IQCH: variants seen among roughly 807,000 people sequenced by gnomAD.
The protein encoded by IQCH is IQ motif containing H.
A neutral mutation model predicts 117.0 loss-of-function variants in IQCH; 98 were observed. That is an observed-to-expected ratio of 0.84 (90% CI 0.71 to 0.99). The LOEUF is 0.99. Among genes scored for constraint, IQCH ranks in the 50% least tolerant of loss-of-function variants. IQCH has a pLI of 0.00. For synonymous variants in IQCH, 412 were observed against 448.2 expected, an observed-to-expected ratio of 0.92 and a Z score of 1.02; for missense variants, 1,102 against 1,243.8, an observed-to-expected ratio of 0.89 and a Z score of 1.72.
At chr15:67,337,555 G>A (rs986377775) in intron 5 of IQCH, among the ~76,000 whole-genome samples, 2 of 152,108 alleles carry the variant, frequency 1.3e-5, no homozygotes, top group African/African-American at 4.8e-5. Flanking sequence ...GAAACCAGTG[G>A]ATTTTGTTTT....
At chr15:67,256,275 C>T (rs1965192721) in intron 1 of IQCH, among the ~76,000 whole-genome samples, 1 of 152,166 alleles carries the variant, frequency 6.6e-6, no homozygotes, top group Non-Finnish European at 1.5e-5. Context: ...TGCATTACTT[C>T]CTCCCAGCCA....
rs193102692 is a variant in IQCH at position 67,292,099 on chromosome 15, G to A, written c.387+12587G>A. On this transcript the variant is annotated intron_variant, in intron 4 of 20. Transcript: ENST00000335894. ...AAAAGAGGCCCTAGGGAGCTTCCTTGGCCCCTCTTCCATGTGCAGACACAG... is the reference window on the plus strand; with the variant it reads ...AAAAGAGGCCCTAGGGAGCTTCCTTAGCCCCTCTTCCATGTGCAGACACAG... Among the ~76,000 whole-genome samples, 4 of 152,132 alleles carry A rather than the reference G, an allele frequency of 2.6e-5. No homozygotes were observed. The East Asian group carries it at 5.8e-4, about 22-fold the overall frequency.
chr15:67,299,830 G>C (rs1357901260), intron 4 of IQCH, among the ~76,000 whole-genome samples: 1 of 152,010 alleles, frequency 6.6e-6, no homozygotes. Flanking sequence ...CCCAGTGCCT[G>C]TGTACTTTCT....
At chr15:67,471,413 T>C (rs1481558157) in intron 17 of IQCH, among the ~76,000 whole-genome samples, 3 of 152,196 alleles carry the variant, frequency 2.0e-5, no homozygotes, top group African/African-American at 4.8e-5. Context: ...TAATGCTTTA[T>C]ACTTTAACTA....
chr15:67,423,802 C>T (rs568146535), intron 16 of IQCH, among the ~76,000 whole-genome samples: 3 of 148,616 alleles, frequency 2.0e-5, no homozygotes, highest in Admixed American at 6.7e-5. Flanking sequence ...TGCAGTGAAC[C>T]GAGATGATGC....
chr15:67,497,034 A>G (rs2083835919), intron 20 of IQCH, among the ~76,000 whole-genome samples: 2 of 151,170 alleles, frequency 1.3e-5, no homozygotes, highest in Admixed American at 1.3e-4. Flanking sequence ...CAAAAAAAAA[A>G]AAAAAAAAAA....
intron 8 of IQCH, chr15:67,371,505 G>C (rs146824601): frequency 5.0e-6 from 8 of 1,592,758 alleles, no homozygotes; most frequent in Non-Finnish European, 6.8e-6. Context: ...AAAAGAACAC[G>C]TGTCAAGAGA....
At chr15:67,254,982 C>T in intron 1 of IQCH, 35 bp downstream of exon 1, 2 of 1,599,454 alleles carry the variant, frequency 1.3e-6, no homozygotes, top group Non-Finnish European at 1.7e-6. Flanking sequence ...CTGCCCTGCC[C>T]AGCCGCGCCA....
intron 2 of IQCH, among the ~76,000 whole-genome samples, chr15:67,261,964 C>T (rs916048790): frequency 3.3e-5 from 5 of 152,234 alleles, no homozygotes; most frequent in Non-Finnish European, 5.9e-5. Flanking sequence ...TGGCACACGC[C>T]TGTAGTCCCA....
At chr15:67,415,270 T>A (rs1056573035) in intron 14 of IQCH, among the ~76,000 whole-genome samples, 2 of 152,162 alleles carry the variant, frequency 1.3e-5, no homozygotes, top group African/African-American at 4.8e-5. Flanking sequence ...AAAGGCCCAT[T>A]GCTTTGACAG....
At chr15:67,260,864 G>A (rs149294924) in intron 1 of IQCH, among the ~76,000 whole-genome samples, 27 of 152,112 alleles carry the variant, frequency 1.8e-4, no homozygotes, top group Non-Finnish European at 3.4e-4. Flanking sequence ...TTGGGAGGCC[G>A]AGGTGGGAAG....
rs2082575529 is a variant in IQCH, at chr15:67,453,210, C to G, written c.2506-11917C>G. 6.6e-6 allele frequency among the ~76,000 whole-genome samples: 1 copy of G among 152,256 alleles called. No individual in the cohort carries two copies. The highest frequency in any genetic ancestry group is 1.9e-4 in the East Asian group (1 of 5,186). On this transcript the variant is annotated intron_variant, in intron 16 of 20. Transcript: ENST00000335894. The surrounding 1 kb of genome is among the most constrained non-coding windows in gnomAD (Gnocchi z 5.8). ...TCAGAGTAGTTTGATCATCTGAAGCCTTCTTCTCTCAACTCGTCAAAGTCA... is the reference window on the plus strand; with the variant it reads ...TCAGAGTAGTTTGATCATCTGAAGCGTTCTTCTCTCAACTCGTCAAAGTCA...
chr15:67,497,602 G>A (rs1253305011), intron 20 of IQCH, among the ~76,000 whole-genome samples: 4 of 151,716 alleles, frequency 2.6e-5, no homozygotes, highest in African/African-American at 4.8e-5. Context: ...CAAGCAATTC[G>A]GCTGCCTCAG....
At chr15:67,392,436 T>C (rs1363130136) in intron 12 of IQCH, among the ~76,000 whole-genome samples, 1 of 152,186 alleles carries the variant, frequency 6.6e-6, no homozygotes, top group Non-Finnish European at 1.5e-5. Context: ...CATTGTCAAA[T>C]GGAACATTGA....
intron 3 of IQCH, among the ~76,000 whole-genome samples, chr15:67,274,220 A>G (rs1382452305): frequency 2.0e-5 from 3 of 152,116 alleles, no homozygotes; most frequent in Non-Finnish European, 4.4e-5. Context: ...AAAGTTTTCA[A>G]AAGTTTTCTG....
At chr15:67,486,913 TCAGTTG>T (rs914555411) in intron 18 of IQCH, among the ~76,000 whole-genome samples, 4 of 152,220 alleles carry the variant, frequency 2.6e-5, no homozygotes, top group Non-Finnish European at 4.4e-5. Flanking sequence ...TTTCAACTTC[TCAGTTG>T]CCCCATGTGG....
At chr15:67,258,347 C>A (rs7171378) in intron 1 of IQCH, among the ~76,000 whole-genome samples, 151,105 of 152,012 alleles carry the variant, frequency 0.99, 75,113 homozygotes, top group Non-Finnish European at 1. Context: ...CCTGGACAAC[C>A]TGGTGAAACC....
At chr15:67,256,415 G>A (rs1965204931) in intron 1 of IQCH, among the ~76,000 whole-genome samples, 1 of 152,120 alleles carries the variant, frequency 6.6e-6, no homozygotes, top group Admixed American at 6.5e-5. Flanking sequence ...AGCCCCTCCT[G>A]AATACTTTTA....
Position 67,479,656 on chromosome 15 carries a change from T to C in IQCH, c.2799+3838T>C, listed in dbSNP as rs1251513059. On this transcript the variant is annotated intron_variant, in intron 18 of 20. Transcript: ENST00000335894. This position sits in a 1 kb window ranked among gnomAD's most constrained non-coding sequence, Gnocchi z 4.6. The stretch of plus-strand genomic sequence containing the variant: ...TTGCCTGTTTGGGTTATGCTGAGTC[T>C]AAAAACAAGATCATTTACCTAAATT... 6.6e-6 allele frequency among the ~76,000 whole-genome samples: 1 copy of C among 152,240 alleles called. No individual in the cohort carries two copies. The highest frequency in any genetic ancestry group is 1.5e-5 in the Non-Finnish European group (1 of 68,036).
Sources: gnomAD v4.1 joint callset for allele counts (sites outside exome capture counted in the v4.1 genomes callset) on GRCh38, gnomAD v4.1.1 for gene constraint, Gnocchi (gnomAD v3.1) non-coding constraint, MANE v1.5 for transcripts, NCBI Gene and HGNC (gene_info 2026-07-23, HGNC 2026-07-21) for gene names.